Variants in ANO6 observed in about 807,000 individuals in gnomAD.
ANO6 encodes the protein anoctamin-6.
Under a neutral mutation model 117.5 loss-of-function variants are expected in ANO6, and 106 were observed. The ratio of observed to expected loss-of-function variants is 0.90; its 90% CI spans 0.77 to 1.06. The LOEUF (loss-of-function observed/expected upper bound fraction) is 1.06. Among genes scored for constraint, ANO6 ranks in the 50% least tolerant of loss-of-function variants. The probability of loss-of-function intolerance (pLI) is 0.00; values close to 1 mark genes in which losing one functional copy is unlikely to be tolerated. For synonymous variants in ANO6, 367 were observed against 385.1 expected, an observed-to-expected ratio of 0.95 and a Z score of 0.55; for missense variants, 955 against 1,121.1, an observed-to-expected ratio of 0.85 and a Z score of 2.12.
intron 1 of ANO6, among the ~76,000 whole-genome samples, chr12:45,262,468 G>A (rs1592889625): frequency 1.3e-5 from 2 of 151,608 alleles, no homozygotes; most frequent in South Asian, 4.2e-4. Context: ...TTGTTGCCCA[G>A]GCTGGAGTGC....
At chr12:45,226,901 C>T (rs760972320) in intron 1 of ANO6, among the ~76,000 whole-genome samples, 2 of 150,594 alleles carry the variant, frequency 1.3e-5, no homozygotes, top group Non-Finnish European at 3.0e-5. Context: ...TTGTTTCTTC[C>T]TATTAAACAA....
chr12:45,231,459 A>T (rs897323663), intron 1 of ANO6, among the ~76,000 whole-genome samples: 1 of 152,220 alleles, frequency 6.6e-6, no homozygotes, highest in Non-Finnish European at 1.5e-5. Context: ...TAGACATTCC[A>T]TATCATTTGG....
rs12299652 is a variant in ANO6 at position 45,422,888 on chromosome 12, A to G, written c.2421-69A>G. Reference sequence around the variant, plus strand: ...TGCACCCGGCATGACCTCTTTTTAAATGGGGCCTTTGTTTACAGTATTCAG... The same window carrying G: ...TGCACCCGGCATGACCTCTTTTTAAGTGGGGCCTTTGTTTACAGTATTCAG... On this transcript the variant is annotated intron_variant, in intron 18 of 19. Transcript: ENST00000320560. 2.0e-3 allele frequency: 2,460 copies of G among 1,212,736 alleles called. 46 individuals carry two copies. In the African/African-American group the frequency reaches 0.033, roughly 16 times the overall value. The allele number at this position is 1,212,736 out of a possible 1,614,324, so 75.1% of individuals were successfully genotyped here.
chr12:45,366,973 T>C (rs910155231), intron 8 of ANO6, among the ~76,000 whole-genome samples: 1 of 152,090 alleles, frequency 6.6e-6, no homozygotes, highest in South Asian at 2.1e-4. Flanking sequence ...ACTGAACTTA[T>C]TTTTGTTTTG....
intron 1 of ANO6, among the ~76,000 whole-genome samples, chr12:45,232,708 TA>T (rs1022230075): frequency 1.3e-5 from 2 of 152,192 alleles, no homozygotes; most frequent in African/African-American, 4.8e-5. Context: ...CTACAGCTGT[TA>T]ATGCACCTTG....
rs528756231 is a variant in ANO6 at position 45,363,563 on chromosome 12, CAAAAAAA to C, written c.999-4117_999-4111del. 3.1e-4 allele frequency among the ~76,000 whole-genome samples: 35 copies of C among 113,854 alleles called. No homozygotes were observed. In the South Asian group the frequency reaches 9.8e-3, roughly 32 times the overall value. 74.7% of individuals were successfully genotyped at this position (113,854 alleles called of 152,430 possible). A position where few individuals can be genotyped will look rare whatever the true frequency, so the allele number is the denominator to read the frequency against. On this transcript the variant is annotated intron_variant, in intron 8 of 19. Transcript: ENST00000320560. ...TGGGCAACAGAGTGAGACTCTGTCTCAAAAAAAAAAAAAAGAAAAAAGGGTGTTCAGT... is the reference window on the plus strand; with the variant it reads ...TGGGCAACAGAGTGAGACTCTGTCTCAAAAAAAGAAAAAAGGGTGTTCAGT...
chr12:45,252,287 G>A (rs1044665971), intron 1 of ANO6, among the ~76,000 whole-genome samples: 5 of 152,216 alleles, frequency 3.3e-5, no homozygotes, highest in African/African-American at 1.2e-4. Flanking sequence ...TGATGCTTTT[G>A]TGTTTCCATA....
At chr12:45,276,723 A>G (rs1938566654) in intron 1 of ANO6, among the ~76,000 whole-genome samples, 1 of 152,054 alleles carries the variant, frequency 6.6e-6, no homozygotes, top group African/African-American at 2.4e-5. Flanking sequence ...AAAAAGGGAC[A>G]TTTTCTGTTT....
Position 45,429,823 on chromosome 12 carries a change from T to G in ANO6, c.*512T>G, listed in dbSNP as rs1220323022. Reference sequence around the variant, plus strand: ...ACTAGACTCAAGGATTCACAATATTTAGGTGTATTTTCAATACCTCCAGAA... The same window carrying G: ...ACTAGACTCAAGGATTCACAATATTGAGGTGTATTTTCAATACCTCCAGAA... On this transcript the variant is annotated 3_prime_UTR_variant, in exon 20 of 20. Transcript: ENST00000320560. The G allele has an allele frequency of 5.0e-6, 5 of 992,218 alleles. No individual in the cohort carries two copies. Among genetic ancestry groups the G allele is most frequent in the Non-Finnish European group, 4.8e-6 (4 of 833,882 alleles). The allele number at this position is 992,218 out of a possible 1,614,324, so 61.5% of individuals were successfully genotyped here. A position where few individuals can be genotyped will look rare whatever the true frequency, so the allele number is the denominator to read the frequency against.
chr12:45,321,232 G>A (rs1444026492), intron 2 of ANO6, among the ~76,000 whole-genome samples: 1 of 152,120 alleles, frequency 6.6e-6, no homozygotes, highest in African/African-American at 2.4e-5. Flanking sequence ...AGATAATTGT[G>A]GATGTTCTTC....
Position 45,343,620 on chromosome 12 carries a change from A to G in ANO6, c.280-3402A>G, listed in dbSNP as rs1941043365. 2.0e-5 allele frequency among the ~76,000 whole-genome samples: 3 copies of G among 152,236 alleles called. No individual in the cohort carries two copies. The South Asian group carries it at 6.2e-4, about 32-fold the overall frequency. On this transcript the variant is annotated intron_variant, in intron 3 of 19. Coordinates refer to ENST00000320560, the MANE Select transcript of ANO6 (RefSeq NM_001025356.3). Reference sequence around the variant, plus strand: ...GGATTCTTACTTACCAGTATCATAAATGAGCTGTAATTTAAGCAGATCAGG... The same window carrying G: ...GGATTCTTACTTACCAGTATCATAAGTGAGCTGTAATTTAAGCAGATCAGG...
intron 1 of ANO6, among the ~76,000 whole-genome samples, chr12:45,282,620 A>C (rs964184867): frequency 3.3e-5 from 5 of 152,226 alleles, no homozygotes; most frequent in Non-Finnish European, 7.3e-5. Context: ...GGCTGAGTCC[A>C]TGGTAGAGGA....
chr12:45,281,607 A>C (rs147282174), intron 1 of ANO6, among the ~76,000 whole-genome samples: 8 of 152,316 alleles, frequency 5.3e-5, no homozygotes, highest in Non-Finnish European at 1.2e-4. Context: ...ACTCATAAGC[A>C]TGGGGATGGT....
chr12:45,429,575 T>G lies in ANO6; in HGVS notation c.*264T>G. Reference sequence around the variant, plus strand: ...ATAAATTGGAATTTTACAGAAAAAGTCCCTCAGTGTGCTTAAAAACCACCC... The same window carrying G: ...ATAAATTGGAATTTTACAGAAAAAGGCCCTCAGTGTGCTTAAAAACCACCC... On this transcript the variant is annotated 3_prime_UTR_variant, in exon 20 of 20. Transcript: ENST00000320560. The G allele has an allele frequency of 1.6e-6, 2 of 1,261,984 alleles. No homozygotes were observed. Among genetic ancestry groups the G allele is most frequent in the Non-Finnish European group, 1.0e-6 (1 of 996,454 alleles). 78.2% of individuals were successfully genotyped at this position (1,261,984 alleles called of 1,614,324 possible). A position where few individuals can be genotyped will look rare whatever the true frequency, so the allele number is the denominator to read the frequency against.
At chr12:45,224,325 T>C (rs940136642) in intron 1 of ANO6, among the ~76,000 whole-genome samples, 2 of 152,130 alleles carry the variant, frequency 1.3e-5, no homozygotes, top group African/African-American at 4.8e-5. Flanking sequence ...AAAAATTAAA[T>C]CTTGATACAC....
intron 19 of ANO6, among the ~76,000 whole-genome samples, chr12:45,423,896 C>T (rs7136051): frequency 1.5e-4 from 23 of 152,310 alleles, no homozygotes; most frequent in African/African-American, 4.8e-4. Context: ...TTGACCAGAA[C>T]TATAGCATGT....
At chr12:45,404,801 C>T (rs1942889670) in intron 15 of ANO6, among the ~76,000 whole-genome samples, 1 of 152,090 alleles carries the variant, frequency 6.6e-6, no homozygotes, top group Non-Finnish European at 1.5e-5. Context: ...ATTTATCACC[C>T]TTCTTTACAG....
chr12:45,253,307 C>A (rs1937691754), intron 1 of ANO6, among the ~76,000 whole-genome samples: 1 of 152,186 alleles, frequency 6.6e-6, no homozygotes, highest in Admixed American at 6.5e-5. Context: ...TTGTTTTTCT[C>A]ATCTCTCTCC....
Position 45,255,655 on chromosome 12 carries a change from T to C in ANO6, c.70+39264T>C, listed in dbSNP as rs187254912. Among the ~76,000 whole-genome samples the C allele has an allele frequency of 3.6e-3, 543 of 152,222 alleles. 4 individuals carry two copies. Among genetic ancestry groups the C allele is most frequent in the African/African-American group, 0.013 (528 of 41,524 alleles). On this transcript the variant is annotated intron_variant, in intron 1 of 19. Coordinates refer to ENST00000320560, the MANE Select transcript of ANO6 (RefSeq NM_001025356.3). ...AAAACTTTTTGCTCAATGAGAACTC[T>C]GGGAGTTACAACTAGTAGATTGTAA...
Sources: allele counts gnomAD v4.1 joint callset (sites outside exome capture counted in the v4.1 genomes callset), GRCh38; gene constraint gnomAD v4.1.1; transcripts MANE v1.5; gene names NCBI Gene and HGNC (gene_info 2026-07-23, HGNC 2026-07-21).